The following NFIA variants were observed in gnomAD, a reference collection of about 807,000 sequenced individuals.
NFIA encodes nuclear factor 1 A-type.
NFIA carries 8 observed loss-of-function variants against 62.8 expected under a neutral mutation model. The ratio of observed to expected loss-of-function variants is 0.13; its 90% CI spans 0.07 to 0.23. NFIA has a LOEUF of 0.23. Ranked by LOEUF, NFIA falls within the 10% of genes least tolerant of loss-of-function variation. NFIA has a pLI of 1.00. For missense variants in NFIA, 410 were observed against 642.1 expected (o/e 0.64, Z 3.91); for synonymous variants, 235 against 238.1 (o/e 0.99, Z 0.12).
chr1:61,279,211 G>A (rs1019210584), intron 3 of NFIA, among the ~76,000 whole-genome samples: 8 of 152,108 alleles, frequency 5.3e-5, no homozygotes, highest in Non-Finnish European at 1.2e-4. Context: ...GTGGGGTGAA[G>A]GATCAAGTTT....
chr1:61,172,540 A>G (rs1021366063), intron 2 of NFIA, among the ~76,000 whole-genome samples: 1 of 152,182 alleles, frequency 6.6e-6, no homozygotes, highest in African/African-American at 2.4e-5. Context: ...GTTGGAGATG[A>G]GGCAGTCCAT....
At chr1:61,091,846 GTTGTT>G (rs1186007691) in intron 2 of NFIA, among the ~76,000 whole-genome samples, 1 of 149,632 alleles carries the variant, frequency 6.7e-6, no homozygotes, top group Non-Finnish European at 1.5e-5. Context: ...CTGGAGAGTT[GTTGTT>G]TTTTTTTTTT....
intron 2 of NFIA, among the ~76,000 whole-genome samples, chr1:61,233,070 G>A (rs868638325): frequency 2.6e-5 from 4 of 152,042 alleles, no homozygotes; most frequent in Non-Finnish European, 5.9e-5. Flanking sequence ...CTGGACTCTG[G>A]AGCACTGCTT....
rs530968186 is a variant in NFIA at position 61,123,681 on chromosome 1, A to T, written c.559+35001A>T. On this transcript the variant is annotated intron_variant, in intron 2 of 10. Transcript: ENST00000403491. ...TAAAATTAAATCTTTATTTATACAA[A>T]TCCAGTGAGGGGGGAAGGCTACATG... Among the ~76,000 whole-genome samples the T allele has an allele frequency of 1.5e-4, 17 of 112,162 alleles. No homozygotes were observed. The South Asian group carries it at 6.0e-3, about 40-fold the overall frequency. The allele number at this position is 112,162 out of a possible 152,430, so 73.6% of individuals were successfully genotyped here.
chr1:61,231,946 A>G (rs1369131527), intron 2 of NFIA, among the ~76,000 whole-genome samples: 1 of 152,208 alleles, frequency 6.6e-6, no homozygotes, highest in Non-Finnish European at 1.5e-5. Flanking sequence ...TTTTATAGAT[A>G]AGGAAACTGA....
chr1:61,208,725 A>G (rs1256363919), intron 2 of NFIA, among the ~76,000 whole-genome samples: 6 of 152,230 alleles, frequency 3.9e-5, no homozygotes. Flanking sequence ...TTGTATTAAC[A>G]AGGTTGTCCT....
intron 2 of NFIA, among the ~76,000 whole-genome samples, chr1:61,265,267 A>C (rs1657087373): frequency 1.3e-5 from 2 of 152,238 alleles, no homozygotes; most frequent in African/African-American, 4.8e-5. Context: ...GCACCATGTG[A>C]AGAAATTTTA....
upstream of NFIA, among the ~76,000 whole-genome samples, chr1:61,080,333 T>C (rs1019695286): frequency 6.6e-6 from 1 of 151,830 alleles, no homozygotes; most frequent in African/African-American, 2.4e-5. Context: ...AAAAAAAATC[T>C]TTTTTTTCCT....
chr1:61,112,251 T>G (rs1646706421), intron 2 of NFIA, among the ~76,000 whole-genome samples: 1 of 152,110 alleles, frequency 6.6e-6, no homozygotes, highest in Non-Finnish European at 1.5e-5. Context: ...TCTCTATTCT[T>G]TTTAGAATCC....
At chr1:61,296,269 A>T (rs1188757035) in intron 3 of NFIA, among the ~76,000 whole-genome samples, 1 of 152,178 alleles carries the variant, frequency 6.6e-6, no homozygotes. Context: ...TCAGTATTTG[A>T]CTTCAGATTG....
intron 2 of NFIA, among the ~76,000 whole-genome samples, chr1:61,112,086 G>A (rs985958660): frequency 5.3e-5 from 8 of 150,556 alleles, no homozygotes; most frequent in Non-Finnish European, 1.0e-4. Context: ...ACAAAGAATT[G>A]TCTAAGAAGC....
At chr1:61,271,446 C>G (rs1230420462) in intron 2 of NFIA, among the ~76,000 whole-genome samples, 1 of 152,166 alleles carries the variant, frequency 6.6e-6, no homozygotes, top group African/African-American at 2.4e-5. Flanking sequence ...AAAGGCATTA[C>G]AAAAAGAAAA....
intron 2 of NFIA, among the ~76,000 whole-genome samples, chr1:61,257,053 T>C (rs964329545): frequency 6.6e-6 from 1 of 152,220 alleles, no homozygotes; most frequent in Admixed American, 6.5e-5. Flanking sequence ...ACAGTCCATC[T>C]ATTTTAGCAA....
At position 61,404,006 on chromosome 1, in the gene NFIA, C is replaced by T. The variant is rs74089318; in HGVS notation, c.1076-98C>T. On this transcript the variant is annotated intron_variant, in intron 7 of 10. Coordinates refer to ENST00000403491, the MANE Select transcript of NFIA (RefSeq NM_001134673.4). ...CAGTCACATGAGCAATATTGTGAAT[C>T]GGGCCAGGAAGAGAAATAAAGGAGG... The T allele has an allele frequency of 2.5e-3, 3,493 of 1,372,082 alleles. 78 individuals carry two copies. The African/African-American group carries it at 0.041, about 16-fold the overall frequency. The allele number at this position is 1,372,082 out of a possible 1,614,324, so 85.0% of individuals were successfully genotyped here.
intron 3 of NFIA, among the ~76,000 whole-genome samples, chr1:61,287,800 C>T (rs1658603004): frequency 6.6e-6 from 1 of 152,140 alleles, no homozygotes; most frequent in Non-Finnish European, 1.5e-5. Flanking sequence ...TATCTGGCAA[C>T]CAGTTGTAAT....
intron 2 of NFIA, among the ~76,000 whole-genome samples, chr1:61,113,469 C>T (rs1419640961): frequency 1.3e-5 from 2 of 151,880 alleles, no homozygotes; most frequent in Admixed American, 1.3e-4. Context: ...TGGCAGGCAC[C>T]TGTAATCCCA....
At chr1:61,452,143 G>A (rs12087318) in intron 10 of NFIA, among the ~76,000 whole-genome samples, 2,022 of 152,250 alleles carry the variant, frequency 0.013, 38 homozygotes, top group African/African-American at 0.046. Flanking sequence ...AGCAGCTCAT[G>A]GAAGTTTCTA....
chr1:61,251,213 A>C (rs1341248042), intron 2 of NFIA: 1 of 152,228 alleles, frequency 6.6e-6, no homozygotes, highest in Non-Finnish European at 1.5e-5. Context: ...CTACATACAC[A>C]TGCATCCGTA....
chr1:61,233,960 TACAGAGAGC>T (rs1343776407), intron 2 of NFIA, among the ~76,000 whole-genome samples: 1 of 152,194 alleles, frequency 6.6e-6, no homozygotes. Context: ...TAGGTAGATC[TACAGAGAGC>T]TGTGAAGAGA....
Sources: allele counts gnomAD v4.1 joint callset (sites outside exome capture counted in the v4.1 genomes callset), GRCh38; gene constraint gnomAD v4.1.1; transcripts MANE v1.5; gene names NCBI Gene and HGNC (gene_info 2026-07-23, HGNC 2026-07-21).